Variants in HIF3A observed in about 807,000 individuals in gnomAD.
HIF3A encodes hypoxia-inducible factor 3-alpha.
Under a neutral mutation model 67.2 loss-of-function variants are expected in HIF3A, and 41 were observed. The observed-to-expected ratio is 0.61, with a 90% CI of 0.48 to 0.79. The LOEUF (loss-of-function observed/expected upper bound fraction) is 0.79, where lower values mean the gene tolerates loss of function less well. Ranked by LOEUF, HIF3A falls within the 30% of genes least tolerant of loss-of-function variation. The pLI, the probability that HIF3A is intolerant of heterozygous loss-of-function variation, is 0.00. For missense variants in HIF3A, 855 were observed against 898.0 expected, an observed-to-expected ratio of 0.95 and a Z score of 0.61; for synonymous variants, 356 against 374.8, an observed-to-expected ratio of 0.95 and a Z score of 0.58.
intron 1 of HIF3A, chr19:46,298,516 T>C (rs1968049751): frequency 7.8e-7 from 1 of 1,274,372 alleles, no homozygotes. Context: ...TGGGCGATGG[T>C]GAGTGGGCCC....
chr19:46,312,174 G>T lies in HIF3A; in HGVS notation c.784G>T (p.Ala262Ser). ...TYCDDRIAEVAGYSPDDLIGC... is the reference protein window; with the variant it reads ...TYCDDRIAEVSGYSPDDLIGC... ...CCCCACCCCCAGGATTGCAGAAGTG[G>T]CTGGCTATAGTCCCGATGACCTGAT... The change falls in exon 7 of 15, where the codon GCT becomes TCT. Residue 262 changes from alanine to serine, a missense_variant. Ala to Ser is a moderately conservative substitution (Grantham distance 99). Coordinates refer to ENST00000377670, the MANE Select transcript of HIF3A (RefSeq NM_152795.4). 6.2e-7 allele frequency: 1 copy of T among 1,614,024 alleles called. No homozygotes were observed.
chr19:46,325,743 T>G, intron 11 of HIF3A, 104 bp downstream of exon 11: 1 of 730,270 alleles, frequency 1.4e-6, no homozygotes, highest in Non-Finnish European at 2.4e-6. Context: ...AATGAATGGA[T>G]GGATGGATGG....
Position 46,304,442 on chromosome 19 carries a change from C to G in HIF3A, c.217+354C>G, listed in dbSNP as rs575457556. Reference sequence around the variant, plus strand: ...AGGAGACTCTCCCAGATGGATAGGCCCTGGTCTCTCATAATATATCCACTG... The same window carrying G: ...AGGAGACTCTCCCAGATGGATAGGCGCTGGTCTCTCATAATATATCCACTG... On this transcript the variant is annotated intron_variant, in intron 2 of 14. Transcript: ENST00000377670. Among the ~76,000 whole-genome samples, 3 of 152,256 alleles carry G rather than the reference C, an allele frequency of 2.0e-5. No individual in the cohort carries two copies. In the South Asian group the frequency reaches 6.2e-4, roughly 32 times the overall value.
At chr19:46,300,603 G>C (rs1471644035) in intron 1 of HIF3A, among the ~76,000 whole-genome samples, 1 of 152,208 alleles carries the variant, frequency 6.6e-6, no homozygotes, top group African/African-American at 2.4e-5. Flanking sequence ...AGAGGTGACA[G>C]TGAGCCAAGA....
Position 46,321,948 on chromosome 19 carries a change from C to T in HIF3A, c.1317C>T (p.His439=), listed in dbSNP as rs759992379. 3.1e-6 allele frequency: 5 copies of T among 1,613,750 alleles called. No homozygotes were observed. Among genetic ancestry groups the T allele is most frequent in the Non-Finnish European group, 4.2e-6 (5 of 1,179,942 alleles). ...CCAGCACCCCGCTGGCCACACGGCA[C>T]CCCCAAAGTCCTCTTTCGGTAAGCC... ...ATPSTPLATR[H]PQSPLSADLP... is the part of the protein sequence containing the mutation. The change falls in exon 10 of 15, where the codon CAC becomes CAT. Residue 439 remains histidine (H), a synonymous_variant. Coordinates refer to ENST00000377670, the MANE Select transcript of HIF3A (RefSeq NM_152795.4).
chr19:46,316,815 A>AAG (rs1280669532), intron 8 of HIF3A, among the ~76,000 whole-genome samples: 4 of 151,852 alleles, frequency 2.6e-5, no homozygotes, highest in Non-Finnish European at 5.9e-5. Flanking sequence ...AAAAAAAAAA[A>AAG]AAGAAAAAAG....
chr19:46,328,947 T>C (rs549716936), intron 11 of HIF3A: 16 of 355,366 alleles, frequency 4.5e-5, no homozygotes, highest in Non-Finnish European at 7.1e-5. Flanking sequence ...GGTCTCTAAT[T>C]TCTAGCCTCA....
intron 10 of HIF3A, 120 bp from the exon 11 acceptor site, chr19:46,325,415 C>G: frequency 1.4e-6 from 1 of 706,808 alleles, no homozygotes; most frequent in Non-Finnish European, 2.5e-6. Context: ...GTTGGACCCC[C>G]TTTGTGCCCC....
chr19:46,327,389 C>G (rs1336187699), intron 11 of HIF3A, among the ~76,000 whole-genome samples: 1 of 151,168 alleles, frequency 6.6e-6, no homozygotes, highest in Non-Finnish European at 1.5e-5. Context: ...AATCTTGGCT[C>G]ACTGCAACTT....
At chr19:46,303,766 C>T in intron 1 of HIF3A, 132 bp from the exon 2 acceptor site, 2 of 1,492,282 alleles carry the variant, frequency 1.3e-6, no homozygotes, top group Non-Finnish European at 1.8e-6. Flanking sequence ...CAGGGCCACA[C>T]ATCGAGGCCT....
intron 9 of HIF3A, 21 bp downstream of exon 9, chr19:46,320,582 C>T (rs1045242894): frequency 1.3e-5 from 21 of 1,587,186 alleles, no homozygotes; most frequent in Non-Finnish European, 1.4e-5. Context: ...GGGCTGGGGC[C>T]GGGAGGGGTT....
At position 46,308,185 on chromosome 19, in the gene HIF3A, GCCCTGGTAGACCCCCA is replaced by G. The variant is rs1171844131; in HGVS notation, c.364-32_364-17del. The G allele has an allele frequency of 7.3e-7, 1 of 1,378,670 alleles. No individual in the cohort carries two copies. The highest frequency in any genetic ancestry group is 1.4e-5 in the African/African-American group (1 of 70,556). 85.4% of individuals were successfully genotyped at this position (1,378,670 alleles called of 1,614,324 possible). On this transcript the variant is annotated intron_variant, in intron 3 of 14. Transcript: ENST00000377670. ...ATGGGATGGAGGAGATGGGTCAGAA[GCCCTGGTAGACCCCCA>G]CCCCTCTCATCCCTGGCAGCTGGAG... is the stretch of plus-strand genomic sequence containing the variant.
intron 12 of HIF3A, among the ~76,000 whole-genome samples, chr19:46,330,485 T>G (rs1568542369): frequency 1.3e-5 from 2 of 150,588 alleles, no homozygotes; most frequent in African/African-American, 4.9e-5. Context: ...ATCGGATGGA[T>G]GGAGGGATGG....
intron 13 of HIF3A, among the ~76,000 whole-genome samples, 194 bp from the exon 14 acceptor site, chr19:46,334,711 C>T (rs575994884): frequency 6.6e-6 from 1 of 151,932 alleles, no homozygotes; most frequent in African/African-American, 2.4e-5. Flanking sequence ...TCACACCCAG[C>T]TAATTTTTAA....
intron 4 of HIF3A, 177 bp downstream of exon 4, chr19:46,308,482 G>A (rs1438124331): frequency 2.5e-5 from 16 of 630,520 alleles, no homozygotes; most frequent in Non-Finnish European, 3.8e-5. Context: ...GGGGTCTGAG[G>A]GGACACAGCC....
At chr19:46,305,449 G>A in intron 3 of HIF3A, 59 bp downstream of exon 3, 24 of 1,541,218 alleles carry the variant, frequency 1.6e-5, no homozygotes, top group Non-Finnish European at 2.0e-5. Context: ...GGGATACAGT[G>A]GTGACCAGGA....
chr19:46,322,365 G>A (rs900210042), intron 10 of HIF3A, among the ~76,000 whole-genome samples: 3 of 152,096 alleles, frequency 2.0e-5, no homozygotes, highest in African/African-American at 7.2e-5. Flanking sequence ...TTCACAGGTT[G>A]GGCCTCAGTC....
intron 10 of HIF3A, among the ~76,000 whole-genome samples, chr19:46,323,982 T>A (rs765101711): frequency 6.6e-6 from 1 of 152,098 alleles, no homozygotes; most frequent in Non-Finnish European, 1.5e-5. Context: ...AGCCAAACCC[T>A]ATCAGGCCCC....
At chr19:46,331,065 G>A in intron 12 of HIF3A, 91 bp from the exon 13 acceptor site, 4 of 882,550 alleles carry the variant, frequency 4.5e-6, no homozygotes, top group Non-Finnish European at 7.2e-6. Flanking sequence ...GGTGCTCAGG[G>A]GAGTGAATGA....
Sources: gnomAD v4.1 joint callset for allele counts (sites outside exome capture counted in the v4.1 genomes callset) on GRCh38, gnomAD v4.1.1 for gene constraint, MANE v1.5 for transcripts, NCBI Gene and HGNC (gene_info 2026-07-23, HGNC 2026-07-21) for gene names.